Variants in SGSM2 observed in about 807,000 individuals in gnomAD.
SGSM2 encodes RUN and TBC1 domain containing 1.
Under a neutral mutation model 126.6 loss-of-function variants are expected in SGSM2, and 89 were observed. The ratio of observed to expected loss-of-function variants is 0.70; its 90% CI spans 0.59 to 0.84. SGSM2 has a LOEUF of 0.84. Among genes scored for constraint, SGSM2 ranks in the 40% least tolerant of loss-of-function variants. The pLI is 0.00. For synonymous variants in SGSM2, 614 were observed against 574.3 expected (o/e 1.07, Z -0.99); for missense variants, 1,404 against 1,416.6 (o/e 0.99, Z 0.14).
In SGSM2 at chr17:2,371,366, A is replaced by C. The variant is rs746210693; in HGVS notation, c.1528A>C (p.Ser510Arg). The change falls in exon 13 of 24, where the codon AGC becomes CGC. Residue 510 changes from serine to arginine, a missense_variant. Ser to Arg is a moderately radical substitution (Grantham distance 110). Coordinates refer to ENST00000268989, the MANE Select transcript of SGSM2 (RefSeq NM_014853.3). The part of the protein sequence containing the change: ...QGSSCLSCSS[S>R]SSPHATPSHC... ...CTCCTCCTGCCTCTCCTGCTCCTCC[A>C]GCAGCTCCCCACATGCAACCCCCAG... 2 of 1,611,946 alleles carry C rather than the reference A, an allele frequency of 1.2e-6. No individual in the cohort carries two copies. Among genetic ancestry groups the C allele is most frequent in the Non-Finnish European group, 8.5e-7 (1 of 1,179,532 alleles).
At position 2,372,911 on chromosome 17, in the gene SGSM2, G is replaced by T; in HGVS notation, c.1789-42G>T. On this transcript the variant is annotated intron_variant, in intron 15 of 23. Coordinates refer to ENST00000268989, the MANE Select transcript of SGSM2 (RefSeq NM_014853.3). This position sits in a 1 kb window ranked among gnomAD's most constrained non-coding sequence, Gnocchi z 6.0. Reference sequence around the variant, plus strand: ...GGGGCTCACCCAGCTGGGCCACGGTGACTGTGGAGGCTGCACAGTCTTGAC... The same window carrying T: ...GGGGCTCACCCAGCTGGGCCACGGTTACTGTGGAGGCTGCACAGTCTTGAC... 6.5e-7 allele frequency: 1 copy of T among 1,547,400 alleles called. No homozygotes were observed. Among genetic ancestry groups the T allele is most frequent in the South Asian group, 1.2e-5 (1 of 83,656 alleles).
rs574435804 is a variant in SGSM2 at position 2,365,858 on chromosome 17, A to G, written c.1288+517A>G. 3.3e-4 allele frequency among the ~76,000 whole-genome samples: 49 copies of G among 149,068 alleles called. No homozygotes were observed. In the East Asian group the frequency reaches 9.1e-3, roughly 28 times the overall value. On this transcript the variant is annotated intron_variant, in intron 11 of 23. Coordinates refer to ENST00000268989, the MANE Select transcript of SGSM2 (RefSeq NM_014853.3). The stretch of plus-strand genomic sequence containing the variant: ...GCCCCTGGGTTCAAGCGATCCTCCT[A>G]CCTCAGCCTCCTGAGTAGCTGGGAT...
Position 2,337,777 on chromosome 17 carries a change from G to A in SGSM2, c.57+32G>A, listed in dbSNP as rs778147386. 2.7e-6 allele frequency: 4 copies of A among 1,492,870 alleles called. No individual in the cohort carries two copies. Among genetic ancestry groups the A allele is most frequent in the African/African-American group, 1.4e-5 (1 of 69,004 alleles). The allele number at this position is 1,492,870 out of a possible 1,614,324, so 92.5% of individuals were successfully genotyped here. On this transcript the variant is annotated intron_variant, in intron 1 of 23. Transcript: ENST00000268989. The surrounding 1 kb of genome is among the most constrained non-coding windows in gnomAD (Gnocchi z 5.1). ...TCGAGTCAAGAACCCCGGGGGGCTCGCGCCCTGGCCCGCGCGGCCCAGGGG... is the reference window on the plus strand; with the variant it reads ...TCGAGTCAAGAACCCCGGGGGGCTCACGCCCTGGCCCGCGCGGCCCAGGGG...
At chr17:2,343,501 A>C in intron 1 of SGSM2, 44 bp from the exon 2 acceptor site, 1 of 1,589,474 alleles carries the variant, frequency 6.3e-7, no homozygotes, top group Middle Eastern at 1.7e-4. Flanking sequence ...GGTCTTTGAT[A>C]AGGGAAAATA....
chr17:2,369,915 G>A (rs951587335), intron 12 of SGSM2, among the ~76,000 whole-genome samples: 6 of 152,114 alleles, frequency 3.9e-5, no homozygotes, highest in Non-Finnish European at 7.4e-5. Context: ...CTCACCACGC[G>A]TGTTCCCTTA....
chr17:2,350,686 G>A (rs1243052771), intron 2 of SGSM2, among the ~76,000 whole-genome samples: 18 of 152,114 alleles, frequency 1.2e-4, no homozygotes, highest in Admixed American at 1.2e-3. Context: ...GCGTGCCGGT[G>A]GAAGGTGACC....
chr17:2,377,983 G>C lies in SGSM2; in HGVS notation c.2899+30G>C, dbSNP rs941813229. 6 of 1,388,306 alleles carry C rather than the reference G, an allele frequency of 4.3e-6. No individual in the cohort carries two copies. In the African/African-American group the frequency reaches 7.1e-5, roughly 16 times the overall value. The allele number at this position is 1,388,306 out of a possible 1,614,324, so 86.0% of individuals were successfully genotyped here. A position where few individuals can be genotyped will look rare whatever the true frequency, so the allele number is the denominator to read the frequency against. On this transcript the variant is annotated intron_variant, in intron 22 of 23. Coordinates refer to ENST00000268989, the MANE Select transcript of SGSM2 (RefSeq NM_014853.3). ...GAAGTGGGTTGGATCATGGGGCTGA[G>C]GTCAGGGACAGTGAGAGATCCCTCT...
Position 2,372,606 on chromosome 17 carries a change from G to A in SGSM2, c.1788+118G>A. 1 of 1,370,000 alleles carries A rather than the reference G, an allele frequency of 7.3e-7. No homozygotes were observed. 84.9% of individuals were successfully genotyped at this position (1,370,000 alleles called of 1,614,324 possible). On this transcript the variant is annotated intron_variant, in intron 15 of 23. Coordinates refer to ENST00000268989, the MANE Select transcript of SGSM2 (RefSeq NM_014853.3). The surrounding 1 kb of genome is among the most constrained non-coding windows in gnomAD (Gnocchi z 6.0). The stretch of plus-strand genomic sequence containing the variant: ...GACAGGCCAGGGCCGATGCCACGGA[G>A]TGACCAGGGTCCCGGCAGAATCTCT...
In SGSM2 at chr17:2,367,310, C is replaced by T. The variant is rs74875811; in HGVS notation, c.1328C>T (p.Ala443Val). 6.5e-4 allele frequency: 1,052 copies of T among 1,614,098 alleles called. 4 individuals carry two copies. In the African/African-American group the frequency reaches 0.012, roughly 19 times the overall value. The change falls in exon 12 of 24, where the codon GCC becomes GTC. Residue 443 changes from alanine to valine, a missense_variant. Transcript: ENST00000268989. The surrounding 1 kb of genome is among the most constrained non-coding windows in gnomAD (Gnocchi z 4.0). ...CACCACCTAGCGGCCAGCCGCGCGGCCTCGGTGGACGATGATGAGGAAGAG... is the reference window on the plus strand; with the variant it reads ...CACCACCTAGCGGCCAGCCGCGCGGTCTCGGTGGACGATGATGAGGAAGAG... The part of the protein sequence containing the change: ...NYHHLAASRA[A>V]SVDDDEEEED...
At chr17:2,345,122 G>GAA (rs930179344) in intron 2 of SGSM2, among the ~76,000 whole-genome samples, 1 of 146,330 alleles carries the variant, frequency 6.8e-6, no homozygotes, top group Non-Finnish European at 1.5e-5. Context: ...CTATGCTCTG[G>GAA]AAAAAAAAAA....
At chr17:2,373,986 GC>G (rs1381256456) in intron 17 of SGSM2, 1 of 162,644 alleles carries the variant, frequency 6.1e-6, no homozygotes, top group Admixed American at 5.8e-5. Context: ...CCGTAGAGCA[GC>G]CCCATTGGTG....
In SGSM2 at chr17:2,375,618, G is replaced by C. The variant is rs148945300; in HGVS notation, c.2227G>C (p.Val743Leu). 5.0e-6 allele frequency: 8 copies of C among 1,613,932 alleles called. No homozygotes were observed. The African/African-American group carries it at 9.3e-5, about 19-fold the overall frequency. The change falls in exon 18 of 24, where the codon GTG becomes CTG. Residue 743 changes from valine to leucine, a missense_variant. Val to Leu is a conservative substitution (Grantham distance 32). Transcript: ENST00000268989. ...GTAVVEQQHS[V>L]EFDSPDSGLP... ...CGCCGTGGTGGAGCAGCAGCATTCC[G>C]TGGAGTTCGACTCTCCAGACTCAGG...
Position 2,372,524 on chromosome 17 carries a change from G to C in SGSM2, c.1788+36G>C. The C allele has an allele frequency of 6.3e-7, 1 of 1,587,532 alleles. No individual in the cohort carries two copies. The highest frequency in any genetic ancestry group is 8.5e-7 in the Non-Finnish European group (1 of 1,171,772). Reference sequence around the variant, plus strand: ...TGGGGTTCCAGGGCCACAGGTCGAGGGGCTGGGGCGGGCAGGAGTGAGGGC... The same window carrying C: ...TGGGGTTCCAGGGCCACAGGTCGAGCGGCTGGGGCGGGCAGGAGTGAGGGC... On this transcript the variant is annotated intron_variant, in intron 15 of 23. Transcript: ENST00000268989. The surrounding 1 kb of genome is among the most constrained non-coding windows in gnomAD (Gnocchi z 6.0).
Position 2,379,195 on chromosome 17 carries a change from T to A in SGSM2, c.3059T>A (p.Phe1020Tyr). The change falls in exon 23 of 24, where the codon TTT (phenylalanine) becomes TAT (tyrosine). Residue 1020 changes from phenylalanine to tyrosine, a missense_variant. Transcript: ENST00000268989. ...NNMDFTDIIK[F>Y]FNERAEHHDA... ...ATGGACTTCACTGACATCATCAAGT[T>A]TTTCAATGGTACGAGCTGGTCCAGC... 1 of 1,613,792 alleles carries A rather than the reference T, an allele frequency of 6.2e-7. No individual in the cohort carries two copies. Among genetic ancestry groups the A allele is most frequent in the Non-Finnish European group, 8.5e-7 (1 of 1,179,928 alleles).
At position 2,373,000 on chromosome 17, in the gene SGSM2, A is replaced by G. The variant is rs768247445; in HGVS notation, c.1836A>G (p.Ile612Met). The G allele has an allele frequency of 4.4e-6, 7 of 1,593,034 alleles. No individual in the cohort carries two copies. Among genetic ancestry groups the G allele is most frequent in the Non-Finnish European group, 6.0e-6 (7 of 1,169,550 alleles). Residue 612 changes from isoleucine (I) to methionine (M), a missense_variant, in exon 16 of 24, where the codon ATA (isoleucine) becomes ATG (methionine). Physicochemically the swap from Ile to Met is conservative, Grantham distance 10 (BLOSUM62 1). Transcript: ENST00000268989. The surrounding 1 kb of genome is among the most constrained non-coding windows in gnomAD (Gnocchi z 6.0). Reference sequence around the variant, plus strand: ...TGCGGCAAGTTTACTACGGAGGCATAGAGCACGAGATCCGCAAGGACGTCT... The same window carrying G: ...TGCGGCAAGTTTACTACGGAGGCATGGAGCACGAGATCCGCAAGGACGTCT... ...ELLRQVYYGG[I>M]EHEIRKDVWP...
chr17:2,361,652 G>C lies in SGSM2; in HGVS notation c.149G>C (p.Cys50Ser). ...IIALCGAVEA[C>S]LLHQLRRRAA... ...TGTGGCCTAGGTGCAGTGGAGGCTT[G>C]CCTCTTGCATCAGCTGAGACGCCGT... The change falls in exon 3 of 24, where the codon TGC (cysteine) becomes TCC (serine). Residue 50 changes from cysteine to serine, a missense_variant. Coordinates refer to ENST00000268989, the MANE Select transcript of SGSM2 (RefSeq NM_014853.3). 5 of 1,613,676 alleles carry C rather than the reference G, an allele frequency of 3.1e-6. No homozygotes were observed. The highest frequency in any genetic ancestry group is 4.2e-6 in the Non-Finnish European group (5 of 1,179,950).
rs1411362391 is a variant in SGSM2, at chr17:2,352,277, T to C, written c.133+8657T>C. Reference sequence around the variant, plus strand: ...TGAACCACTGGCCCCCAGGCAGGCATTGGGCTTTTGAATTCTGCTCTAATT... The same window carrying C: ...TGAACCACTGGCCCCCAGGCAGGCACTGGGCTTTTGAATTCTGCTCTAATT... On this transcript the variant is annotated intron_variant, in intron 2 of 23. Transcript: ENST00000268989. Among the ~76,000 whole-genome samples the C allele has an allele frequency of 2.0e-5, 3 of 152,204 alleles. No homozygotes were observed. The South Asian group carries it at 6.2e-4, about 31-fold the overall frequency.
Position 2,363,998 on chromosome 17 carries a change from A to C in SGSM2, c.808-61A>C, listed in dbSNP as rs767253616. On this transcript the variant is annotated intron_variant, in intron 7 of 23. Transcript: ENST00000268989. The surrounding 1 kb of genome is among the most constrained non-coding windows in gnomAD (Gnocchi z 4.2). ...CTCCCAGCGGGAGCTCATTTCTCAT[A>C]GGCCATCCCTGAGAGCCTCTCAGCC... 2.4e-5 allele frequency: 38 copies of C among 1,609,644 alleles called. No individual in the cohort carries two copies. The highest frequency in any genetic ancestry group is 3.2e-5 in the Non-Finnish European group (38 of 1,176,736).
Position 2,367,885 on chromosome 17 carries a change from G to A in SGSM2, c.1423+480G>A, listed in dbSNP as rs369124545. 1.3e-5 allele frequency among the ~76,000 whole-genome samples: 2 copies of A among 152,210 alleles called. No individual in the cohort carries two copies. The highest frequency in any genetic ancestry group is 2.4e-5 in the African/African-American group (1 of 41,456). On this transcript the variant is annotated intron_variant, in intron 12 of 23. Transcript: ENST00000268989. This position sits in a 1 kb window ranked among gnomAD's most constrained non-coding sequence, Gnocchi z 4.0. ...AGCTGTGGGTCAGGCGAGGGGTTGA[G>A]GGCTGCCATGCGAAGGGCCCCAGGG...
Sources: allele counts gnomAD v4.1 joint callset (sites outside exome capture counted in the v4.1 genomes callset), GRCh38; gene constraint gnomAD v4.1.1; non-coding constraint Gnocchi (gnomAD v3.1); transcripts MANE v1.5; gene names NCBI Gene and HGNC (gene_info 2026-07-23, HGNC 2026-07-21).